The following PTPRT variants were observed in gnomAD, a reference collection of about 807,000 sequenced individuals.
PTPRT encodes the protein receptor-type tyrosine-protein phosphatase T.
In PTPRT, 56 loss-of-function variants were observed where a neutral mutation model predicts 176.8. The ratio of observed to expected loss-of-function variants is 0.32; its 90% CI spans 0.26 to 0.40. The LOEUF is 0.40. PTPRT is among the 10% of genes least tolerant of loss of function. PTPRT has a pLI of 1.00. For missense variants in PTPRT, 1,540 were observed against 1,908.2 expected (o/e 0.81, Z 3.60); for synonymous variants, 783 against 739.0 (o/e 1.06, Z -0.96).
intron 7 of PTPRT, among the ~76,000 whole-genome samples, chr20:42,620,755 C>T (rs1408683328): frequency 6.6e-6 from 1 of 152,194 alleles, no homozygotes; most frequent in African/African-American, 2.4e-5. Context: ...ACTCCCTGAC[C>T]CCTTGCACTT....
intron 11 of PTPRT, among the ~76,000 whole-genome samples, chr20:42,317,947 C>T (rs1328358598): frequency 6.6e-6 from 1 of 152,138 alleles, no homozygotes; most frequent in Non-Finnish European, 1.5e-5. Context: ...TGGACAATCT[C>T]TCAAGAAATG....
intron 1 of PTPRT, among the ~76,000 whole-genome samples, chr20:42,957,226 A>G (rs564246437): frequency 1.6e-3 from 246 of 152,320 alleles, no homozygotes; most frequent in Middle Eastern, 3.4e-3. Flanking sequence ...ACAATGAATC[A>G]TGCCAAAGGT....
intron 6 of PTPRT, among the ~76,000 whole-genome samples, chr20:42,741,864 G>C (rs573796665): frequency 6.6e-6 from 1 of 152,052 alleles, no homozygotes; most frequent in East Asian, 1.9e-4. Context: ...CTGGGAGGAG[G>C]GTACCCTGTA....
In PTPRT at chr20:43,155,958, T is replaced by A. The variant is rs576992454; in HGVS notation, c.88+33688A>T. 9.8e-5 allele frequency among the ~76,000 whole-genome samples: 15 copies of A among 152,348 alleles called. No individual in the cohort carries two copies. The South Asian group carries it at 3.1e-3, about 32-fold the overall frequency. On this transcript the variant is annotated intron_variant, in intron 1 of 30. Coordinates refer to ENST00000373187, the MANE Select transcript of PTPRT (RefSeq NM_007050.6). ...GTCGCTTGTTCAGTTCCTCTCTTTT[T>A]AAAAATAATCCCTGTTCTCAGTATT...
chr20:42,943,379 C>T (rs1282294945), intron 1 of PTPRT, among the ~76,000 whole-genome samples: 4 of 152,194 alleles, frequency 2.6e-5, no homozygotes, highest in Non-Finnish European at 2.9e-5. Context: ...CACGCAGAGC[C>T]TTCGGGTCAG....
intron 7 of PTPRT, among the ~76,000 whole-genome samples, chr20:42,602,082 T>C (rs1216651198): frequency 6.6e-6 from 1 of 152,252 alleles, no homozygotes; most frequent in African/African-American, 2.4e-5. Flanking sequence ...TCAATGTCTT[T>C]GCCATCCCAA....
chr20:42,075,380 C>G lies in PTPRT; in HGVS notation c.*5499G>C, dbSNP rs770304862. On this transcript the variant is annotated 3_prime_UTR_variant, in exon 31 of 31. Coordinates refer to ENST00000373187, the MANE Select transcript of PTPRT (RefSeq NM_007050.6). ...GTTGACCATTTTTTTCCCTGGGGATCCTGGCCCAGCACAACCTGTTGACAT... is the reference window on the plus strand; with the variant it reads ...GTTGACCATTTTTTTCCCTGGGGATGCTGGCCCAGCACAACCTGTTGACAT... The G allele has an allele frequency of 1.9e-4, 44 of 228,434 alleles. No homozygotes were observed. The highest frequency in any genetic ancestry group is 3.3e-4 in the Non-Finnish European group (38 of 115,170). 14.2% of individuals were successfully genotyped at this position (228,434 alleles called of 1,614,324 possible). A position where few individuals can be genotyped will look rare whatever the true frequency, so the allele number is the denominator to read the frequency against.
intron 7 of PTPRT, among the ~76,000 whole-genome samples, chr20:42,628,100 G>A (rs942164966): frequency 2.0e-5 from 3 of 152,146 alleles, no homozygotes; most frequent in African/African-American, 7.2e-5. Context: ...GACACACAGG[G>A]TGGGGAAAGA....
chr20:42,409,296 T>C (rs933193037), intron 9 of PTPRT, among the ~76,000 whole-genome samples: 2 of 151,524 alleles, frequency 1.3e-5, no homozygotes, highest in African/African-American at 4.8e-5. Flanking sequence ...GCCTGGCCAA[T>C]ACAGTGAAAC....
At chr20:42,880,624 T>C (rs1321173371) in intron 2 of PTPRT, among the ~76,000 whole-genome samples, 2 of 152,066 alleles carry the variant, frequency 1.3e-5, no homozygotes, top group Non-Finnish European at 2.9e-5. Context: ...TGGAAACCCA[T>C]GCCAAAGATG....
At chr20:42,819,560 T>G (rs2077853065) in intron 2 of PTPRT, among the ~76,000 whole-genome samples, 1 of 152,130 alleles carries the variant, frequency 6.6e-6, no homozygotes, top group Middle Eastern at 3.4e-3. Context: ...AATACTAACC[T>G]TAAATGTAAA....
At chr20:42,953,303 C>T (rs1314232751) in intron 1 of PTPRT, among the ~76,000 whole-genome samples, 1 of 152,076 alleles carries the variant, frequency 6.6e-6, no homozygotes, top group Non-Finnish European at 1.5e-5. Context: ...GCAGGCCTGG[C>T]CATCCACAGT....
intron 2 of PTPRT, among the ~76,000 whole-genome samples, chr20:42,853,348 G>A (rs886745959): frequency 7.9e-5 from 12 of 152,198 alleles, no homozygotes; most frequent in African/African-American, 2.9e-4. Flanking sequence ...CCCCCAGTAT[G>A]CTGTCTGCAA....
chr20:42,303,011 T>C (rs191619789), intron 12 of PTPRT, among the ~76,000 whole-genome samples: 60 of 152,348 alleles, frequency 3.9e-4, no homozygotes, highest in Non-Finnish European at 7.3e-4. Flanking sequence ...TTTGAGGCTG[T>C]GTACAAACTA....
At position 42,526,248 on chromosome 20, in the gene PTPRT, T is replaced by G. The variant is rs188673477; in HGVS notation, c.1154-53686A>C. The stretch of plus-strand genomic sequence containing the variant: ...TTTTTCTCTTATCATTCTTCAGTGT[T>G]TTCTTTGGGGCCACCACATATGTGT... On this transcript the variant is annotated intron_variant, in intron 7 of 30. Transcript: ENST00000373187. 3.6e-4 allele frequency among the ~76,000 whole-genome samples: 55 copies of G among 152,314 alleles called. No homozygotes were observed. The East Asian group carries it at 9.1e-3, about 25-fold the overall frequency.
At chr20:42,914,082 A>G (rs1978570409) in intron 1 of PTPRT, among the ~76,000 whole-genome samples, 1 of 152,186 alleles carries the variant, frequency 6.6e-6, no homozygotes, top group Non-Finnish European at 1.5e-5. Context: ...TGTTTTTCAC[A>G]GCTACATCCA....
At chr20:42,230,283 G>A (rs564820001) in intron 15 of PTPRT, among the ~76,000 whole-genome samples, 1 of 152,306 alleles carries the variant, frequency 6.6e-6, no homozygotes, top group Non-Finnish European at 1.5e-5. Flanking sequence ...ATCTGCACAA[G>A]GCATTTGTCC....
At chr20:42,584,436 C>T (rs902532879) in intron 7 of PTPRT, among the ~76,000 whole-genome samples, 2 of 152,082 alleles carry the variant, frequency 1.3e-5, no homozygotes, top group Admixed American at 1.3e-4. Context: ...TGAGGATAAT[C>T]CTCCCCCAGA....
intron 6 of PTPRT, among the ~76,000 whole-genome samples, chr20:42,698,886 C>T (rs926455657): frequency 8.7e-5 from 13 of 148,806 alleles, no homozygotes; most frequent in Admixed American, 6.6e-5. Flanking sequence ...AATGAACGAA[C>T]AAATAAATGG....
Sources: allele counts gnomAD v4.1 joint callset (sites outside exome capture counted in the v4.1 genomes callset), GRCh38; gene constraint gnomAD v4.1.1; transcripts MANE v1.5; gene names NCBI Gene and HGNC (gene_info 2026-07-23, HGNC 2026-07-21).